Variants in RAP2A observed in about 807,000 individuals in gnomAD.
RAP2A encodes the protein ras-related protein Rap-2a.
Under a neutral mutation model 15.1 loss-of-function variants are expected in RAP2A, and 5 were observed. The ratio of observed to expected loss-of-function variants is 0.33; its 90% CI spans 0.17 to 0.70. RAP2A has a LOEUF of 0.70. Among genes scored for constraint, RAP2A ranks in the 30% least tolerant of loss-of-function variants. The pLI, the probability that RAP2A is intolerant of heterozygous loss-of-function variation, is 0.68. For missense variants in RAP2A, 111 were observed against 240.3 expected, an observed-to-expected ratio of 0.46 and a Z score of 3.56; for synonymous variants, 110 against 99.7, an observed-to-expected ratio of 1.10 and a Z score of -0.62.
Position 97,451,844 on chromosome 13 carries a change from G to A in RAP2A, c.315-12361G>A, listed in dbSNP as rs897416063. Among the ~76,000 whole-genome samples, 8 of 151,238 alleles carry A rather than the reference G, an allele frequency of 5.3e-5. 1 individual carries two copies. The highest frequency in any genetic ancestry group is 4.4e-5 in the Non-Finnish European group (3 of 67,794). On this transcript the variant is annotated intron_variant, in intron 1 of 1. Transcript: ENST00000245304. ...TTTAATCAATCCGATAGGATTCTAG[G>A]AACCTCAGTGTGATTTTTATCTTTG...
At position 97,468,068 on chromosome 13, in the gene RAP2A, A is replaced by G. The variant is rs976382977; in HGVS notation, c.*3626A>G. ...CAAAAACAATTAAAAATTGCCATAT[A>G]ATGAATTTAGTACTCTTCATACAAA... On this transcript the variant is annotated 3_prime_UTR_variant, in exon 2 of 2. Transcript: ENST00000245304. 6.6e-6 allele frequency: 1 copy of G among 152,228 alleles called. No homozygotes were observed. Among genetic ancestry groups the G allele is most frequent in the Non-Finnish European group, 1.5e-5 (1 of 68,038 alleles). 9.4% of individuals were successfully genotyped at this position (152,228 alleles called of 1,614,324 possible). A position where few individuals can be genotyped will look rare whatever the true frequency, so the allele number is the denominator to read the frequency against.
intron 1 of RAP2A, among the ~76,000 whole-genome samples, chr13:97,446,310 A>G (rs1214488415): frequency 2.0e-5 from 3 of 152,030 alleles, no homozygotes; most frequent in South Asian, 2.1e-4. Context: ...ATTTGTGCAT[A>G]TATTTTTGAG....
At chr13:97,441,757 A>G (rs2066658570) in intron 1 of RAP2A, 1 of 450,342 alleles carries the variant, frequency 2.2e-6, no homozygotes, top group Non-Finnish European at 4.4e-6. Flanking sequence ...TTACACACTT[A>G]TATTTTTCAG....
intron 1 of RAP2A, among the ~76,000 whole-genome samples, chr13:97,439,425 G>GGAATGTTGTAAA (rs149184165): frequency 0.04 from 6,115 of 152,210 alleles, 201 homozygotes; most frequent in African/African-American, 0.087. Flanking sequence ...AAGGATGCAA[G>GGAATGTTGTAAA]GAATGTTGTA....
intron 1 of RAP2A, among the ~76,000 whole-genome samples, chr13:97,439,687 G>A (rs1261993243): frequency 2.6e-5 from 4 of 152,150 alleles, no homozygotes; most frequent in Non-Finnish European, 5.9e-5. Flanking sequence ...GAGAGTAGAT[G>A]AAACCTACTG....
intron 1 of RAP2A, among the ~76,000 whole-genome samples, chr13:97,448,426 G>A (rs2066688539): frequency 6.6e-6 from 1 of 152,270 alleles, no homozygotes; most frequent in Admixed American, 6.5e-5. Flanking sequence ...TAGGGCGGGA[G>A]GCTGTAAAAC....
rs2066781561 is a variant in RAP2A at position 97,468,353 on chromosome 13, GC to G, written c.*3912del. 6.6e-6 allele frequency: 1 copy of G among 152,218 alleles called. No homozygotes were observed. Among genetic ancestry groups the G allele is most frequent in the Non-Finnish European group, 1.5e-5 (1 of 68,034 alleles). 9.4% of individuals were successfully genotyped at this position (152,218 alleles called of 1,614,324 possible). A position where few individuals can be genotyped will look rare whatever the true frequency, so the allele number is the denominator to read the frequency against. ...ATGATTCAGAGGCCTTCTAGTGATGGCTTGAAGCCGTCTTTCTGTTTTCAGG... is the reference window on the plus strand; with the variant it reads ...ATGATTCAGAGGCCTTCTAGTGATGGTTGAAGCCGTCTTTCTGTTTTCAGG... On this transcript the variant is annotated 3_prime_UTR_variant, in exon 2 of 2. Transcript: ENST00000245304.
At chr13:97,446,672 G>T (rs927974153) in intron 1 of RAP2A, among the ~76,000 whole-genome samples, 1 of 152,164 alleles carries the variant, frequency 6.6e-6, no homozygotes, top group Non-Finnish European at 1.5e-5. Context: ...TACCACATAG[G>T]AAGTCCAGCT....
Position 97,445,362 on chromosome 13 carries a change from A to G in RAP2A, c.314+10578A>G, listed in dbSNP as rs193047619. Among the ~76,000 whole-genome samples the G allele has an allele frequency of 4.5e-3, 681 of 152,278 alleles. 3 individuals are homozygous for G. The highest frequency in any genetic ancestry group is 7.3e-3 in the South Asian group (35 of 4,824). On this transcript the variant is annotated intron_variant, in intron 1 of 1. Transcript: ENST00000245304. ...TGGTAAAGTGAAGCACTGAAATCCT[A>G]TTGTTAAGTAGCCACATACATACAT...
chr13:97,460,977 T>G (rs2066744122), intron 1 of RAP2A, among the ~76,000 whole-genome samples: 1 of 152,174 alleles, frequency 6.6e-6, no homozygotes, highest in African/African-American at 2.4e-5. Context: ...CTCCGGCTCC[T>G]TCTTCACCCT....
intron 1 of RAP2A, among the ~76,000 whole-genome samples, chr13:97,438,437 T>C (rs1356075944): frequency 1.3e-5 from 2 of 152,240 alleles, no homozygotes; most frequent in East Asian, 3.8e-4. Flanking sequence ...AGTTAATTCC[T>C]ACTCCGTCTT....
intron 1 of RAP2A, among the ~76,000 whole-genome samples, chr13:97,454,887 A>C (rs950558016): frequency 1.3e-5 from 2 of 151,370 alleles, no homozygotes; most frequent in Non-Finnish European, 2.9e-5. Flanking sequence ...CTGATACAGT[A>C]TTCTGTGTTG....
intron 1 of RAP2A, among the ~76,000 whole-genome samples, chr13:97,448,920 G>A (rs755396629): frequency 6.6e-6 from 1 of 152,178 alleles, no homozygotes; most frequent in Non-Finnish European, 1.5e-5. Flanking sequence ...GTGCAGCCTT[G>A]AATATGGAGG....
intron 1 of RAP2A, among the ~76,000 whole-genome samples, chr13:97,458,383 A>G (rs1466047109): frequency 1.3e-5 from 2 of 152,210 alleles, no homozygotes; most frequent in Admixed American, 6.5e-5. Flanking sequence ...AGAAACTGAC[A>G]GTAGTGGTAT....
At chr13:97,456,840 G>A in intron 1 of RAP2A, among the ~76,000 whole-genome samples, 1 of 152,122 alleles carries the variant, frequency 6.6e-6, no homozygotes. Flanking sequence ...TACCAGAAAT[G>A]CCCTTTTAAG....
intron 1 of RAP2A, among the ~76,000 whole-genome samples, chr13:97,455,351 T>C (rs1184565097): frequency 1.3e-5 from 2 of 151,598 alleles, no homozygotes; most frequent in East Asian, 3.8e-4. Flanking sequence ...AGTCTGATAA[T>C]TTCAGCATCT....
In RAP2A at chr13:97,464,539, T is replaced by A; in HGVS notation, c.*97T>A. 2 of 1,117,584 alleles carry A rather than the reference T, an allele frequency of 1.8e-6. No homozygotes were observed. Among genetic ancestry groups the A allele is most frequent in the Non-Finnish European group, 2.7e-6 (2 of 749,282 alleles). The allele number at this position is 1,117,584 out of a possible 1,614,324, so 69.2% of individuals were successfully genotyped here. On this transcript the variant is annotated 3_prime_UTR_variant, in exon 2 of 2. Transcript: ENST00000245304. ...GCAGAACTTGCAGAATGCGTGGTGTTAATCTACAGAGAACTGCAGCCCTTA... is the reference window on the plus strand; with the variant it reads ...GCAGAACTTGCAGAATGCGTGGTGTAAATCTACAGAGAACTGCAGCCCTTA...
intron 1 of RAP2A, among the ~76,000 whole-genome samples, chr13:97,463,732 G>A (rs2066758250): frequency 6.6e-6 from 1 of 152,154 alleles, no homozygotes; most frequent in Non-Finnish European, 1.5e-5. Context: ...TGGAACTACA[G>A]GCACCTGCCA....
intron 1 of RAP2A, among the ~76,000 whole-genome samples, chr13:97,437,820 T>C (rs1387593056): frequency 1.3e-5 from 2 of 152,246 alleles, no homozygotes; most frequent in African/African-American, 2.4e-5. Context: ...CACTAATGCA[T>C]AGCCAAACAA....
Sources: gnomAD v4.1 joint callset for allele counts (sites outside exome capture counted in the v4.1 genomes callset) on GRCh38, gnomAD v4.1.1 for gene constraint, MANE v1.5 for transcripts, NCBI Gene and HGNC (gene_info 2026-07-23, HGNC 2026-07-21) for gene names.